Variants in SERPINB7 observed in about 807,000 individuals in gnomAD.
SERPINB7 encodes serpin B7.
Under a neutral mutation model 37.4 loss-of-function variants are expected in SERPINB7, and 31 were observed. The ratio of observed to expected loss-of-function variants is 0.83; its 90% confidence interval spans 0.62 to 1.12. The LOEUF (loss-of-function observed/expected upper bound fraction) is 1.12. SERPINB7 is among the 50% of genes most tolerant of loss of function. The pLI is 0.00. For synonymous variants in SERPINB7, 163 were observed against 166.1 expected (o/e 0.98, Z 0.14); for missense variants, 521 against 455.3 (o/e 1.14, Z -1.31).
At position 63,782,544 on chromosome 18, in the gene SERPINB7, A is replaced by T; in HGVS notation, c.168+4A>T. 1 of 1,602,662 alleles carries T rather than the reference A, an allele frequency of 6.2e-7. No homozygotes were observed. Among genetic ancestry groups the T allele is most frequent in the Non-Finnish European group, 8.5e-7 (1 of 1,174,118 alleles). ...CTCCCTCTCTCAGATTGATAAGGTC[A>T]GTCTCAGCTTTTGCAGTTAATCACT... On this transcript the variant is annotated splice_donor_region_variant and intron_variant, in intron 2 of 7. Coordinates refer to ENST00000398019, the MANE Select transcript of SERPINB7 (RefSeq NM_003784.4).
rs2049544037 is a variant in SERPINB7 at position 63,801,102 on chromosome 18, G to A, written c.744+90G>A. On this transcript the variant is annotated intron_variant, in intron 7 of 7. Transcript: ENST00000398019. ...TTCACTGATAAACTGTAAGATTTCA[G>A]GGTATTGAGATACTAGAGACTTACC... 25 of 1,337,278 alleles carry A rather than the reference G, an allele frequency of 1.9e-5. 1 individual carries two copies. In the South Asian group the frequency reaches 3.1e-4, roughly 17 times the overall value. 82.8% of individuals were successfully genotyped at this position (1,337,278 alleles called of 1,614,324 possible). A position where few individuals can be genotyped will look rare whatever the true frequency, so the allele number is the denominator to read the frequency against.
At chr18:63,760,353 C>T (rs1014439299) in intron 1 of SERPINB7, among the ~76,000 whole-genome samples, 1 of 152,066 alleles carries the variant, frequency 6.6e-6, no homozygotes, top group African/African-American at 2.4e-5. Flanking sequence ...GCAAAGCATT[C>T]GAGAGGTGAC....
intron 4 of SERPINB7, among the ~76,000 whole-genome samples, chr18:63,795,871 T>C (rs766568997): frequency 1.3e-5 from 2 of 152,154 alleles, no homozygotes; most frequent in Non-Finnish European, 2.9e-5. Context: ...TTTCAAGAGC[T>C]TGGGCTTTGT....
chr18:63,794,081 T>C (rs910582978), intron 4 of SERPINB7, among the ~76,000 whole-genome samples: 2 of 150,866 alleles, frequency 1.3e-5, no homozygotes, highest in Middle Eastern at 6.4e-3. Flanking sequence ...GTAGCTGGGA[T>C]TACAGGCACG....
chr18:63,760,637 C>A (rs1356773086), intron 1 of SERPINB7, among the ~76,000 whole-genome samples: 1 of 152,108 alleles, frequency 6.6e-6, no homozygotes, highest in African/African-American at 2.4e-5. Flanking sequence ...TGGGCTGGGC[C>A]CAGGGTCCTC....
In SERPINB7 at chr18:63,798,625, G is replaced by C; in HGVS notation, c.476G>C (p.Gly159Ala). ...AAAGGCAAAATCAAGAACGTGATTG[G>C]TGAAGGTGGCATAAGCTCATCTGCT... is the stretch of plus-strand genomic sequence containing the variant. ...ETHGKIKNVI[G>A]EGGISSSAVM... The change falls in exon 6 of 8, where the codon GGT (glycine) becomes GCT (alanine). Residue 159 changes from glycine (G) to alanine (A), a missense_variant. Transcript: ENST00000398019. The C allele has an allele frequency of 6.3e-7, 1 of 1,575,704 alleles. No individual in the cohort carries two copies. Among genetic ancestry groups the C allele is most frequent in the South Asian group, 1.2e-5 (1 of 82,198 alleles).
intron 1 of SERPINB7, among the ~76,000 whole-genome samples, chr18:63,779,744 A>G (rs900264572): frequency 5.3e-5 from 8 of 152,082 alleles, no homozygotes; most frequent in African/African-American, 1.7e-4. Flanking sequence ...TTTGTTCAAT[A>G]AGATTATAAT....
intron 1 of SERPINB7, among the ~76,000 whole-genome samples, chr18:63,777,204 T>C (rs997631492): frequency 2.6e-5 from 4 of 151,906 alleles, no homozygotes; most frequent in Admixed American, 6.6e-5. Context: ...AACACACACA[T>C]ATATATATGT....
Position 63,804,568 on chromosome 18 carries a change from A to C in SERPINB7, c.1076A>C (p.His359Pro), listed in dbSNP as rs1232079798. The C allele has an allele frequency of 6.2e-7, 1 of 1,613,486 alleles. No homozygotes were observed. The highest frequency in any genetic ancestry group is 1.7e-5 in the Admixed American group (1 of 59,856). Residue 359 changes from histidine (H) to proline (P), a missense_variant, in exon 8 of 8, where the codon CAC becomes CCC. By Grantham distance (77) the His-to-Pro change is moderately conservative. Transcript: ENST00000398019. ...LPQSTLFRAD[H>P]PFLFVIRKDD... ...CAGTCCACGCTGTTTAGAGCTGACC[A>C]CCCATTCCTATTTGTTATCAGGAAG...
chr18:63,796,371 A>T lies in SERPINB7; in HGVS notation c.442A>T (p.Asn148Tyr). Residue 148 changes from asparagine to tyrosine, a missense_variant, in exon 5 of 8, where the codon AAT becomes TAT. Asn to Tyr is a moderately radical substitution (Grantham distance 143). Transcript: ENST00000398019. ...ACGTAATATTAATAAGTGGGTTGAA[A>T]ATGAAACACATGGTGAGTATTGAAA... is the stretch of plus-strand genomic sequence containing the variant. Reference protein sequence around the residue: ...TRRNINKWVENETHGKIKNVI... With the variant: ...TRRNINKWVEYETHGKIKNVI... The T allele has an allele frequency of 1.9e-6, 3 of 1,553,494 alleles. No individual in the cohort carries two copies. Among genetic ancestry groups the T allele is most frequent in the Non-Finnish European group, 2.7e-6 (3 of 1,125,258 alleles).
chr18:63,801,039 T>C lies in SERPINB7; in HGVS notation c.744+27T>C. On this transcript the variant is annotated intron_variant, in intron 7 of 7. Transcript: ENST00000398019. ...TAAGTTACGACTGTCATTTTCACTA[T>C]TGGGAAATAAGACTTTTAGGATACT... is the stretch of plus-strand genomic sequence containing the variant. The C allele has an allele frequency of 3.1e-6, 5 of 1,608,230 alleles. No individual in the cohort carries two copies. In the South Asian group the frequency reaches 3.3e-5, roughly 11 times the overall value.
At chr18:63,802,032 T>A (rs2049555337) in intron 7 of SERPINB7, among the ~76,000 whole-genome samples, 1 of 152,194 alleles carries the variant, frequency 6.6e-6, no homozygotes, top group South Asian at 2.1e-4. Flanking sequence ...AACTATAAAC[T>A]AAATTTCTTC....
chr18:63,783,283 A>AAAGAAAGAAAGAAAGAAAGGAAGG (rs1555694241), intron 2 of SERPINB7, among the ~76,000 whole-genome samples: 17 of 122,546 alleles, frequency 1.4e-4, no homozygotes, highest in African/African-American at 5.4e-4. Flanking sequence ...AGAAAGAAAG[A>AAAGAAAGAAAGAAAGAAAGGAAGG]AAGAAAGAAA....
rs564958458 is a variant in SERPINB7 at position 63,797,209 on chromosome 18, T to C, written c.454+826T>C. ...ATTTGTACTCTAAATATTGTACCTG[T>C]ATTTACTAAGCCTAGCTGTGCCTCA... On this transcript the variant is annotated intron_variant, in intron 5 of 7. Coordinates refer to ENST00000398019, the MANE Select transcript of SERPINB7 (RefSeq NM_003784.4). 3.9e-4 allele frequency among the ~76,000 whole-genome samples: 59 copies of C among 152,346 alleles called. 1 individual carries two copies. The South Asian group carries it at 8.9e-3, about 23-fold the overall frequency.
chr18:63,799,371 C>T (rs1470563955), intron 6 of SERPINB7, among the ~76,000 whole-genome samples: 1 of 152,122 alleles, frequency 6.6e-6, no homozygotes, highest in Non-Finnish European at 1.5e-5. Context: ...TATTGGGGCC[C>T]CTGCCTTGCT....
At chr18:63,782,914 G>A (rs891727623) in intron 2 of SERPINB7, among the ~76,000 whole-genome samples, 5 of 151,932 alleles carry the variant, frequency 3.3e-5, no homozygotes, top group Admixed American at 6.5e-5. Flanking sequence ...CGAGGCGGGC[G>A]GATCACGAGG....
chr18:63,767,845 A>T (rs2144591671), intron 1 of SERPINB7, among the ~76,000 whole-genome samples: 1 of 152,214 alleles, frequency 6.6e-6, no homozygotes, highest in East Asian at 1.9e-4. Flanking sequence ...TAATTTTGAT[A>T]GGTATAGAAC....
upstream of SERPINB7, among the ~76,000 whole-genome samples, chr18:63,774,477 G>A (rs2049230752): frequency 6.6e-6 from 1 of 152,130 alleles, no homozygotes; most frequent in Admixed American, 6.5e-5. Flanking sequence ...GCAACATACA[G>A]CTCAACCTCA....
chr18:63,756,743 C>A (rs2049124083), intron 1 of SERPINB7, among the ~76,000 whole-genome samples: 1 of 150,568 alleles, frequency 6.6e-6, no homozygotes, highest in African/African-American at 2.4e-5. Flanking sequence ...CTTTATTTTC[C>A]TCCCATATTT....
Sources: gnomAD v4.1 joint callset for allele counts (sites outside exome capture counted in the v4.1 genomes callset) on GRCh38, gnomAD v4.1.1 for gene constraint, MANE v1.5 for transcripts, NCBI Gene and HGNC (gene_info 2026-07-23, HGNC 2026-07-21) for gene names.